OR3A2: variants seen among roughly 807,000 people sequenced by gnomAD.
OR3A2 encodes the protein olfactory receptor 3A2.
For missense variants in OR3A2, 318 were observed against 392.8 expected, an observed-to-expected ratio of 0.81 and a Z score of 1.61; for synonymous variants, 126 against 159.3, an observed-to-expected ratio of 0.79 and a Z score of 1.57.
At chr17:3,328,628 C>T (rs1338408606) in intron 3 of OR3A2, among the ~76,000 whole-genome samples, 3 of 149,078 alleles carry the variant, frequency 2.0e-5, no homozygotes, top group African/African-American at 5.1e-5. Context: ...GCATCCCTGC[C>T]TTGTGCCAGT....
At chr17:3,279,703 G>A (rs975911034) in intron 1 of OR3A2, among the ~76,000 whole-genome samples, 4 of 152,146 alleles carry the variant, frequency 2.6e-5, no homozygotes, top group Admixed American at 6.5e-5. Flanking sequence ...CAGGAGAATC[G>A]CTTGAACCCG....
chr17:3,326,873 G>A (rs2049180145), intron 3 of OR3A2, among the ~76,000 whole-genome samples: 1 of 134,620 alleles, frequency 7.4e-6, no homozygotes, highest in East Asian at 2.2e-4. Flanking sequence ...TCCCTACAAA[G>A]GACATGAACT....
chr17:3,352,975 C>T (rs969994955), intron 2 of OR3A2, among the ~76,000 whole-genome samples: 1 of 151,126 alleles, frequency 6.6e-6, no homozygotes, highest in African/African-American at 2.4e-5. Flanking sequence ...GGGTTAATTC[C>T]TAGGTATTTT....
At chr17:3,310,224 T>G in intron 3 of OR3A2, 2 of 455,514 alleles carry the variant, frequency 4.4e-6, no homozygotes, top group South Asian at 3.4e-5. Context: ...AAGATCTCAT[T>G]GATGATTGTT....
intron 3 of OR3A2, among the ~76,000 whole-genome samples, chr17:3,309,278 T>C (rs773451133): frequency 1.3e-5 from 2 of 152,074 alleles, no homozygotes; most frequent in African/African-American, 2.4e-5. Flanking sequence ...TGTGGGCAGT[T>C]CATGGCACTG....
intron 3 of OR3A2, among the ~76,000 whole-genome samples, chr17:3,309,064 C>A (rs2049019919): frequency 6.6e-6 from 1 of 152,072 alleles, no homozygotes; most frequent in Non-Finnish European, 1.5e-5. Flanking sequence ...TGCAACCACA[C>A]CCAGCTAATT....
rs142431057 is a variant in OR3A2 at position 3,370,634 on chromosome 17, A to ATTT, written c.-179+13167_-179+13169dup. Among the ~76,000 whole-genome samples the ATTT allele has an allele frequency of 8.5e-3, 1,257 of 148,428 alleles. 11 individuals are homozygous for ATTT. The highest frequency in any genetic ancestry group is 0.028 in the African/African-American group (1,119 of 40,608). ...TTAGATTGTCTATTTGTTCTTTCGG[A>ATTT]TTTTTTTTTTTATTGTTCATTCTTG... On this transcript the variant is annotated intron_variant, in intron 2 of 4. Transcript: ENST00000573491.
intron 2 of OR3A2, among the ~76,000 whole-genome samples, chr17:3,359,955 C>T (rs1255271824): frequency 6.6e-6 from 1 of 151,790 alleles, no homozygotes; most frequent in Non-Finnish European, 1.5e-5. Flanking sequence ...ATGGCTGGAT[C>T]AAATGGTATT....
At chr17:3,348,589 A>T (rs2049390609) in intron 2 of OR3A2, among the ~76,000 whole-genome samples, 1 of 152,188 alleles carries the variant, frequency 6.6e-6, no homozygotes, top group Non-Finnish European at 1.5e-5. Context: ...GAATGGAACC[A>T]AGTTGGAAAA....
chr17:3,316,190 T>A (rs9902716), intron 3 of OR3A2, among the ~76,000 whole-genome samples: 23,039 of 152,210 alleles, frequency 0.15, 2,325 homozygotes, highest in African/African-American at 0.28. Context: ...TGTATGATCT[T>A]TGCAGATATA....
At chr17:3,299,559 G>T (rs951769772) in intron 3 of OR3A2, among the ~76,000 whole-genome samples, 1 of 152,172 alleles carries the variant, frequency 6.6e-6, no homozygotes, top group African/African-American at 2.4e-5. Context: ...TGAGGTTAAT[G>T]AACGGCGAAT....
intron 3 of OR3A2, among the ~76,000 whole-genome samples, chr17:3,334,550 T>A (rs2049264181): frequency 6.6e-6 from 1 of 152,200 alleles, no homozygotes; most frequent in African/African-American, 2.4e-5. Context: ...ATTCTGGAAA[T>A]TTCCGTCATT....
At position 3,336,022 on chromosome 17, in the gene OR3A2, A is replaced by T. The variant is rs910728617; in HGVS notation, c.-85+11T>A. ...ACTCCTTTCATAACTGGCAAATGCAAACTTACAAACCATTCCTGCCGGAAC... is the reference window on the plus strand; with the variant it reads ...ACTCCTTTCATAACTGGCAAATGCATACTTACAAACCATTCCTGCCGGAAC... On this transcript the variant is annotated intron_variant, in intron 3 of 4. Coordinates refer to the OR3A2 transcript ENST00000573491. 7.2e-5 allele frequency: 11 copies of T among 152,342 alleles called. No homozygotes were observed. Among genetic ancestry groups the T allele is most frequent in the African/African-American group, 2.7e-4 (11 of 41,464 alleles). The allele number at this position is 152,342 out of a possible 1,614,324, so 9.4% of individuals were successfully genotyped here. A position where few individuals can be genotyped will look rare whatever the true frequency, so the allele number is the denominator to read the frequency against.
At chr17:3,352,632 G>A (rs1196825779) in intron 2 of OR3A2, among the ~76,000 whole-genome samples, 1 of 151,974 alleles carries the variant, frequency 6.6e-6, no homozygotes, top group African/African-American at 2.4e-5. Context: ...CCAGTACCAT[G>A]CTGTTTTGGT....
rs149237862 is a variant in OR3A2 at position 3,320,697 on chromosome 17, G to A, written c.-85+15336C>T. On this transcript the variant is annotated intron_variant, in intron 3 of 4. Coordinates refer to the OR3A2 transcript ENST00000573491. Reference sequence around the variant, plus strand: ...AAAGATCAGGTAGCTGTAGATAGGCGGCATTATTTCTGAGGGCTCTGTTCT... The same window carrying A: ...AAAGATCAGGTAGCTGTAGATAGGCAGCATTATTTCTGAGGGCTCTGTTCT... 3.8e-3 allele frequency among the ~76,000 whole-genome samples: 580 copies of A among 152,036 alleles called. 5 individuals are homozygous for A. The highest frequency in any genetic ancestry group is 0.013 in the African/African-American group (530 of 41,464).
Position 3,357,944 on chromosome 17 carries a change from C to T in OR3A2, c.-178-21818G>A, listed in dbSNP as rs193121828. On this transcript the variant is annotated intron_variant, in intron 2 of 4. Coordinates refer to the OR3A2 transcript ENST00000573491. ...AACCTAATAGGCTAGTGAGGCCTTG[C>T]CTGGCAGAGATCAGAGTGGGGGTCA... Among the ~76,000 whole-genome samples the T allele has an allele frequency of 3.7e-3, 563 of 151,604 alleles. 3 individuals are homozygous for T. The highest frequency in any genetic ancestry group is 6.3e-3 in the Non-Finnish European group (426 of 68,002).
At chr17:3,285,883 G>C (rs904517848), upstream of OR3A2, among the ~76,000 whole-genome samples, 2 of 152,146 alleles carry the variant, frequency 1.3e-5, no homozygotes, top group African/African-American at 4.8e-5. Flanking sequence ...CAACAAGCCT[G>C]GAGTCTCAGT....
At chr17:3,342,360 A>G (rs1204200656) in intron 2 of OR3A2, among the ~76,000 whole-genome samples, 4 of 152,098 alleles carry the variant, frequency 2.6e-5, no homozygotes, top group African/African-American at 9.7e-5. Flanking sequence ...TGGTTTTTAG[A>G]ATTTTCAGCT....
chr17:3,312,826 A>G (rs1325737684), intron 3 of OR3A2, among the ~76,000 whole-genome samples: 3 of 151,930 alleles, frequency 2.0e-5, no homozygotes, highest in Admixed American at 6.6e-5. Flanking sequence ...GTTTTACCAT[A>G]TTGGCCAGGC....
Sources: allele counts gnomAD v4.1 joint callset (sites outside exome capture counted in the v4.1 genomes callset), GRCh38; gene constraint gnomAD v4.1.1; transcripts MANE v1.5; gene names NCBI Gene and HGNC (gene_info 2026-07-23, HGNC 2026-07-21).